MAN1A1: variants seen among roughly 807,000 people sequenced by gnomAD.
MAN1A1 encodes mannosidase alpha class 1A member 1.
In MAN1A1, 29 loss-of-function variants were observed where a neutral mutation model predicts 70.8. The ratio of observed to expected loss-of-function variants is 0.41; its 90% CI spans 0.31 to 0.56. MAN1A1 has a LOEUF of 0.56. Among genes scored for constraint, MAN1A1 ranks in the 20% least tolerant of loss-of-function variants. The pLI is 0.29. For synonymous variants in MAN1A1, 349 were observed against 330.1 expected (o/e 1.06, Z -0.62); for missense variants, 747 against 841.3 (o/e 0.89, Z 1.39).
chr6:119,313,962 G>A (rs574273771), intron 2 of MAN1A1, among the ~76,000 whole-genome samples: 17 of 150,606 alleles, frequency 1.1e-4, no homozygotes, highest in Non-Finnish European at 2.1e-4. Flanking sequence ...TCAAAACTAC[G>A]CTGGCTAAGG....
chr6:119,348,682 G>C lies in MAN1A1; in HGVS notation c.384C>G (p.His128Gln). 1 of 1,611,116 alleles carries C rather than the reference G, an allele frequency of 6.2e-7. No homozygotes were observed. Among genetic ancestry groups the C allele is most frequent in the Non-Finnish European group, 8.5e-7 (1 of 1,178,836 alleles). The part of the protein sequence containing the change: ...EDNLARIREN[H>Q]ERALREAKET... The stretch of plus-strand genomic sequence containing the variant: ...CCTTGGCTTCCCTGAGAGCCCGCTC[G>C]TGGTTTTCGCGGATCCTGGCCAAGT... The change falls in exon 2 of 13, where the codon CAC becomes CAG. Residue 128 changes from histidine to glutamine, a missense_variant. His to Gln is a conservative substitution (Grantham distance 24). Coordinates refer to ENST00000368468, the MANE Select transcript of MAN1A1 (RefSeq NM_005907.4).
intron 5 of MAN1A1, among the ~76,000 whole-genome samples, chr6:119,267,538 C>T (rs1388150094): frequency 1.3e-5 from 2 of 152,122 alleles, no homozygotes; most frequent in African/African-American, 2.4e-5. Flanking sequence ...AAAAGACACA[C>T]ACAGATATGA....
chr6:119,349,808 C>T (rs1023994454), upstream of MAN1A1: 4 of 960,250 alleles, frequency 4.2e-6, no homozygotes, highest in Admixed American at 6.2e-5. Context: ...GGAGGCGACG[C>T]GGCCGGAGAG....
rs114092097 is a variant in MAN1A1, at chr6:119,193,313, A to T, written c.1326+464T>A. On this transcript the variant is annotated intron_variant, in intron 9 of 12. Transcript: ENST00000368468. ...TGATACTATTAATGATCTTCCCTGAAATATGAGTTTGTTCAGATTTTTATG... is the reference window on the plus strand; with the variant it reads ...TGATACTATTAATGATCTTCCCTGATATATGAGTTTGTTCAGATTTTTATG... Among the ~76,000 whole-genome samples, 424 of 152,282 alleles carry T rather than the reference A, an allele frequency of 2.8e-3. 4 individuals carry two copies. The highest frequency in any genetic ancestry group is 9.4e-3 in the African/African-American group (391 of 41,554).
At chr6:119,246,594 G>C (rs1455163267) in intron 6 of MAN1A1, among the ~76,000 whole-genome samples, 2 of 152,070 alleles carry the variant, frequency 1.3e-5, no homozygotes, top group African/African-American at 4.8e-5. Flanking sequence ...AATTAGTTTA[G>C]TGTACTACTA....
At chr6:119,243,766 G>A (rs1276091311) in intron 6 of MAN1A1, among the ~76,000 whole-genome samples, 1 of 152,050 alleles carries the variant, frequency 6.6e-6, no homozygotes, top group Non-Finnish European at 1.5e-5. Flanking sequence ...AATTAGAATA[G>A]TCAGTAAATA....
In MAN1A1 at chr6:119,245,129, C is replaced by T. The variant is rs571754916; in HGVS notation, c.992+3131G>A. ...ATTATGATATTACAGCCAGCACATT[C>T]AGTGTCTCTCCAGTGGTAATTCTTG... On this transcript the variant is annotated intron_variant, in intron 6 of 12. Coordinates refer to ENST00000368468, the MANE Select transcript of MAN1A1 (RefSeq NM_005907.4). Among the ~76,000 whole-genome samples the T allele has an allele frequency of 2.6e-5, 4 of 152,246 alleles. No individual in the cohort carries two copies. The East Asian group carries it at 5.8e-4, about 22-fold the overall frequency.
Position 119,348,969 on chromosome 6 carries a change from G to A in MAN1A1, c.97C>T (p.Pro33Ser). Residue 33 changes from proline to serine, a missense_variant, in exon 2 of 13, where the codon CCC becomes TCC. Pro to Ser is a moderately conservative substitution (Grantham distance 74). This residue lies in a region of MAN1A1 where 328 missense variants were observed against 293.1 expected (regional missense o/e 1.12). Transcript: ENST00000368468. ...TTCTCCGTCAGGCGGAGGGCGGCGG[G>A]GCCCGACCCCTTCCTGCCACCGCCG... ...GGGGGRKGSG[P>S]AALRLTEKFV... The A allele has an allele frequency of 1.3e-6, 2 of 1,507,802 alleles. No homozygotes were observed. Among genetic ancestry groups the A allele is most frequent in the South Asian group, 1.3e-5 (1 of 78,336 alleles). The allele number at this position is 1,507,802 out of a possible 1,614,324, so 93.4% of individuals were successfully genotyped here. A position where few individuals can be genotyped will look rare whatever the true frequency, so the allele number is the denominator to read the frequency against.
At chr6:119,229,214 CAAAA>C (rs10602711) in intron 6 of MAN1A1, among the ~76,000 whole-genome samples, 5 of 137,658 alleles carry the variant, frequency 3.6e-5, no homozygotes, top group Admixed American at 1.5e-4. Flanking sequence ...TGTTCTGAGA[CAAAA>C]AAAAAAAAAA....
At chr6:119,182,066 A>T (rs1773166538) in intron 11 of MAN1A1, among the ~76,000 whole-genome samples, 1 of 152,210 alleles carries the variant, frequency 6.6e-6, no homozygotes, top group South Asian at 2.1e-4. Flanking sequence ...TTTTGATAAT[A>T]GCCATTTAAA....
At chr6:119,273,285 C>G (rs1775974008) in intron 5 of MAN1A1, among the ~76,000 whole-genome samples, 1 of 152,084 alleles carries the variant, frequency 6.6e-6, no homozygotes, top group Non-Finnish European at 1.5e-5. Context: ...CACATACCAA[C>G]CGGAAGCAAA....
At chr6:119,271,312 C>T (rs1375219592) in intron 5 of MAN1A1, among the ~76,000 whole-genome samples, 5 of 151,832 alleles carry the variant, frequency 3.3e-5, no homozygotes, top group Non-Finnish European at 5.9e-5. Flanking sequence ...TTTCATATTC[C>T]ATTACTTAAA....
intron 5 of MAN1A1, among the ~76,000 whole-genome samples, chr6:119,277,129 T>C (rs1025289070): frequency 6.6e-6 from 1 of 152,206 alleles, no homozygotes; most frequent in African/African-American, 2.4e-5. Context: ...CTTATGTTTA[T>C]TTTATTATCA....
At chr6:119,185,800 C>T (rs577825065) in intron 11 of MAN1A1, among the ~76,000 whole-genome samples, 8 of 149,706 alleles carry the variant, frequency 5.3e-5, no homozygotes, top group African/African-American at 9.8e-5. Flanking sequence ...AGGATGGTCT[C>T]GATCTCCTGA....
intron 6 of MAN1A1, among the ~76,000 whole-genome samples, chr6:119,229,128 C>A (rs978166008): frequency 8.0e-5 from 12 of 150,520 alleles, no homozygotes; most frequent in African/African-American, 2.9e-4. Context: ...AACTTTATTA[C>A]TAGGGTAATG....
In MAN1A1 at chr6:119,290,718, C is replaced by T; in HGVS notation, c.862G>A (p.Gly288Arg). The T allele has an allele frequency of 6.2e-7, 1 of 1,610,748 alleles. No homozygotes were observed. The highest frequency in any genetic ancestry group is 8.5e-7 in the Non-Finnish European group (1 of 1,178,106). ...GACAGATAGTAGGCTGAGAGTAGTC[C>T]ACCAACAAAGCGTATATTTACTTCA... is the stretch of plus-strand genomic sequence containing the variant. ...VFEVNIRFVGGLLSAYYLSGE... is the reference protein window; with the variant it reads ...VFEVNIRFVGRLLSAYYLSGE... The change falls in exon 5 of 13, where the codon GGA becomes AGA. Residue 288 changes from glycine (G) to arginine (R), a missense_variant. This residue lies in a region of MAN1A1 where 419 missense variants were observed against 548.2 expected (regional missense o/e 0.76). Coordinates refer to ENST00000368468, the MANE Select transcript of MAN1A1 (RefSeq NM_005907.4).
At chr6:119,347,669 C>T (rs944131746) in intron 2 of MAN1A1, among the ~76,000 whole-genome samples, 4 of 152,198 alleles carry the variant, frequency 2.6e-5, no homozygotes, top group Admixed American at 1.3e-4. Flanking sequence ...AAAATGACAG[C>T]CTGAAAGGAC....
At chr6:119,273,788 C>T (rs953212410) in intron 5 of MAN1A1, among the ~76,000 whole-genome samples, 1 of 151,934 alleles carries the variant, frequency 6.6e-6, no homozygotes, top group African/African-American at 2.4e-5. Context: ...GATTTTCTGT[C>T]TTTGTTAATT....
intron 5 of MAN1A1, among the ~76,000 whole-genome samples, chr6:119,279,814 A>G (rs549505099): frequency 6.6e-6 from 1 of 152,272 alleles, no homozygotes; most frequent in Non-Finnish European, 1.5e-5. Context: ...CCTTGAACTA[A>G]TCTTTATTTC....
Sources: allele counts gnomAD v4.1 joint callset (sites outside exome capture counted in the v4.1 genomes callset), GRCh38; gene constraint gnomAD v4.1.1; regional missense constraint gnomAD v4.1.1; transcripts MANE v1.5; gene names NCBI Gene and HGNC (gene_info 2026-07-23, HGNC 2026-07-21).